Variants in HDAC9 observed in about 807,000 individuals in gnomAD.
HDAC9 encodes MEF-2 interacting transcription repressor (MITR) protein.
A neutral mutation model predicts 139.4 loss-of-function variants in HDAC9; 41 were observed. The ratio of observed to expected loss-of-function variants is 0.29; its 90% CI spans 0.23 to 0.38. HDAC9 has a LOEUF of 0.38. Among genes scored for constraint, HDAC9 ranks in the 10% least tolerant of loss-of-function variants. The pLI, the probability that HDAC9 is intolerant of heterozygous loss-of-function variation, is 1.00. For missense variants in HDAC9, 1,147 were observed against 1,297.0 expected (o/e 0.88, Z 1.78); for synonymous variants, 517 against 476.2 (o/e 1.09, Z -1.12).
At chr7:18,890,687 T>A (rs1021290334) in intron 22 of HDAC9, among the ~76,000 whole-genome samples, 1 of 152,336 alleles carries the variant, frequency 6.6e-6, no homozygotes, top group African/African-American at 2.4e-5. Flanking sequence ...ACCACATCCA[T>A]TGTGGTCGAT....
At chr7:18,296,143 C>T (rs1798132806) in intron 1 of HDAC9, among the ~76,000 whole-genome samples, 1 of 152,068 alleles carries the variant, frequency 6.6e-6, no homozygotes, top group African/African-American at 2.4e-5. Flanking sequence ...ATTGTGTACT[C>T]ACGTGAATTA....
chr7:18,263,736 G>A (rs1244294820), intron 2 of HDAC9, among the ~76,000 whole-genome samples: 3 of 151,678 alleles, frequency 2.0e-5, no homozygotes, highest in African/African-American at 4.9e-5. Context: ...AGCCTCCCAA[G>A]TAGCTGTAAC....
intron 21 of HDAC9, among the ~76,000 whole-genome samples, chr7:18,849,522 C>T (rs182170521): frequency 5.9e-5 from 9 of 152,246 alleles, no homozygotes; most frequent in Admixed American, 2.0e-4. Context: ...GGGCACATAT[C>T]TCCCACACTT....
chr7:18,175,355 A>G lies in HDAC9; in HGVS notation c.25+13006A>G, dbSNP rs185307160. 3.9e-5 allele frequency among the ~76,000 whole-genome samples: 6 copies of G among 152,288 alleles called. No homozygotes were observed. The East Asian group carries it at 9.6e-4, about 24-fold the overall frequency. ...TGGGTGGTGTCCCGTTTTTCCAGGTACCATCTGTCATGGCTTCCCTTGGCT... is the reference window on the plus strand; with the variant it reads ...TGGGTGGTGTCCCGTTTTTCCAGGTGCCATCTGTCATGGCTTCCCTTGGCT... On this transcript the variant is annotated intron_variant, in intron 2 of 12. Coordinates refer to the HDAC9 transcript ENST00000417496.
At chr7:18,671,347 T>C (rs1371032572) in intron 12 of HDAC9, among the ~76,000 whole-genome samples, 1 of 152,006 alleles carries the variant, frequency 6.6e-6, no homozygotes, top group Non-Finnish European at 1.5e-5. Flanking sequence ...GAGTCTGTTG[T>C]TCTGACTGGT....
At chr7:18,236,676 T>C (rs1793838211) in intron 2 of HDAC9, among the ~76,000 whole-genome samples, 1 of 152,194 alleles carries the variant, frequency 6.6e-6, no homozygotes, top group Non-Finnish European at 1.5e-5. Flanking sequence ...CAGACAGACC[T>C]TGGTGCCTCA....
chr7:18,237,552 CAT>C (rs1297683996), intron 2 of HDAC9, among the ~76,000 whole-genome samples: 3 of 152,018 alleles, frequency 2.0e-5, no homozygotes, highest in African/African-American at 4.8e-5. Flanking sequence ...TGGGAGAACA[CAT>C]GTTAGTCTAG....
At chr7:18,168,801 T>C (rs1469866451) in intron 2 of HDAC9, among the ~76,000 whole-genome samples, 1 of 151,892 alleles carries the variant, frequency 6.6e-6, no homozygotes, top group Admixed American at 6.6e-5. Context: ...TCTAACTTGT[T>C]GTAGGGTTAG....
chr7:18,290,183 A>C (rs1221507208), upstream of HDAC9: 1 of 245,162 alleles, frequency 4.1e-6, no homozygotes, highest in Non-Finnish European at 8.3e-6. Flanking sequence ...TCTGTAGTCT[A>C]TTAGGCTTCT....
At chr7:18,158,364 T>C (rs949828403) in intron 1 of HDAC9, among the ~76,000 whole-genome samples, 1 of 152,232 alleles carries the variant, frequency 6.6e-6, no homozygotes, top group Non-Finnish European at 1.5e-5. Context: ...GTTTGATCTA[T>C]TCAATGGCTT....
intron 2 of HDAC9, among the ~76,000 whole-genome samples, chr7:18,199,948 G>GAGAA (rs1212957466): frequency 1.3e-5 from 2 of 151,636 alleles, no homozygotes; most frequent in African/African-American, 4.8e-5. Context: ...AAAACAGAGA[G>GAGAA]AGAAAAAAAA....
intron 17 of HDAC9, among the ~76,000 whole-genome samples, chr7:18,824,084 G>GAAGAAGAAGAAGAAC (rs1554367982): frequency 6.9e-5 from 10 of 144,372 alleles, no homozygotes; most frequent in African/African-American, 1.4e-4. Context: ...AGAAGAAGAA[G>GAAGAAGAAGAAGAAC]AAGAACAAGA....
intron 13 of HDAC9, 68 bp from the exon 14 acceptor site, chr7:18,748,937 A>T (rs946238689): frequency 7.3e-5 from 103 of 1,405,700 alleles, no homozygotes; most frequent in Non-Finnish European, 9.2e-5. Context: ...TTATCATATT[A>T]TCTCCTAACA....
intron 1 of HDAC9, among the ~76,000 whole-genome samples, chr7:18,314,787 A>G (rs558546773): frequency 5.3e-5 from 8 of 152,350 alleles, no homozygotes; most frequent in African/African-American, 1.9e-4. Flanking sequence ...TAGGTTTAGT[A>G]ATATTTAAGC....
chr7:18,626,579 T>G (rs1232876833), intron 6 of HDAC9, among the ~76,000 whole-genome samples: 1 of 152,242 alleles, frequency 6.6e-6, no homozygotes. Context: ...TCTGTGTGAA[T>G]GAACTGATGT....
chr7:18,863,143 G>T (rs34098679), intron 21 of HDAC9, among the ~76,000 whole-genome samples: 1,743 of 152,268 alleles, frequency 0.011, 12 homozygotes, highest in African/African-American at 0.014. Flanking sequence ...AGTAGAAATG[G>T]GAATGGCCTT....
chr7:18,143,719 G>C (rs1786081130), intron 1 of HDAC9, among the ~76,000 whole-genome samples: 1 of 151,700 alleles, frequency 6.6e-6, no homozygotes, highest in African/African-American at 2.4e-5. Flanking sequence ...TCAGGAGGCA[G>C]GAGGCGGAGG....
chr7:18,794,991 G>T (rs1448191079), intron 17 of HDAC9, among the ~76,000 whole-genome samples: 1 of 152,084 alleles, frequency 6.6e-6, no homozygotes, highest in East Asian at 1.9e-4. Flanking sequence ...TCAGTCATCA[G>T]AAGCATCATT....
In HDAC9 at chr7:18,144,708, T is replaced by G. The variant is rs562928466; in HGVS notation, c.-96-17521T>G. On this transcript the variant is annotated intron_variant, in intron 1 of 12. Transcript: ENST00000417496. Reference sequence around the variant, plus strand: ...GATCTGCCCTGATAAGTTTCTTCTTTCCATCTCTTCCTTAGCCTCACTCTC... The same window carrying G: ...GATCTGCCCTGATAAGTTTCTTCTTGCCATCTCTTCCTTAGCCTCACTCTC... 1.1e-4 allele frequency among the ~76,000 whole-genome samples: 17 copies of G among 152,284 alleles called. No individual in the cohort carries two copies. The South Asian group carries it at 3.1e-3, about 28-fold the overall frequency.
Sources: allele counts gnomAD v4.1 joint callset (sites outside exome capture counted in the v4.1 genomes callset), GRCh38; gene constraint gnomAD v4.1.1; transcripts MANE v1.5; gene names NCBI Gene and HGNC (gene_info 2026-07-23, HGNC 2026-07-21).